Variants in ASAP1 observed in about 807,000 individuals in gnomAD.
ASAP1 encodes arf-GAP with SH3 domain, ANK repeat and PH domain-containing protein 1.
Under a neutral mutation model 145.2 loss-of-function variants are expected in ASAP1, and 43 were observed. That is an observed-to-expected ratio of 0.30 (90% CI 0.23 to 0.38). The LOEUF (loss-of-function observed/expected upper bound fraction) is 0.38, where lower values mean the gene tolerates loss of function less well. Ranked by LOEUF, ASAP1 falls within the 10% of genes least tolerant of loss-of-function variation. The probability of loss-of-function intolerance (pLI) is 1.00; values close to 1 mark genes in which losing one functional copy is unlikely to be tolerated. For missense variants in ASAP1, 1,018 were observed against 1,355.3 expected (o/e 0.75, Z 3.91); for synonymous variants, 546 against 515.5 (o/e 1.06, Z -0.80).
intron 15 of ASAP1, among the ~76,000 whole-genome samples, chr8:130,133,085 TG>T (rs2097585573): frequency 6.6e-6 from 1 of 151,746 alleles, no homozygotes; most frequent in African/African-American, 2.4e-5. Flanking sequence ...GTGCCACTGA[TG>T]GGACAGGAAG....
chr8:130,181,004 G>C (rs1814319346), intron 7 of ASAP1, 124 bp from the exon 8 acceptor site: 1 of 770,784 alleles, frequency 1.3e-6, no homozygotes, highest in Non-Finnish European at 1.9e-6. Flanking sequence ...TTCATCAGTT[G>C]TATCAATTGT....
At chr8:130,357,958 C>A in intron 3 of ASAP1, 59 bp downstream of exon 3, 1 of 1,543,672 alleles carries the variant, frequency 6.5e-7, no homozygotes, top group Non-Finnish European at 8.7e-7. Context: ...GAGAGGAGAT[C>A]CTCCAGCTGC....
chr8:130,231,273 T>C (rs1478498861), intron 4 of ASAP1, among the ~76,000 whole-genome samples: 1 of 152,140 alleles, frequency 6.6e-6, no homozygotes, highest in Non-Finnish European at 1.5e-5. Context: ...AATGAGAAAA[T>C]CAATGGCTGT....
intron 2 of ASAP1, among the ~76,000 whole-genome samples, chr8:130,371,839 T>C (rs903804003): frequency 6.6e-6 from 1 of 152,164 alleles, no homozygotes; most frequent in Admixed American, 6.5e-5. Flanking sequence ...ACAAACATAA[T>C]TGCTAATGTT....
At chr8:130,294,315 G>A (rs936098187) in intron 3 of ASAP1, among the ~76,000 whole-genome samples, 8 of 152,180 alleles carry the variant, frequency 5.3e-5, no homozygotes, top group Admixed American at 2.0e-4. Flanking sequence ...GTAATGCCAC[G>A]GAGCGTCAGA....
intron 22 of ASAP1, among the ~76,000 whole-genome samples, chr8:130,115,950 T>C (rs1196853005): frequency 6.6e-6 from 1 of 152,256 alleles, no homozygotes; most frequent in Non-Finnish European, 1.5e-5. Flanking sequence ...TTTATTTTGA[T>C]GACTTGTCTC....
At chr8:130,421,728 A>G (rs1370850074) in intron 1 of ASAP1, among the ~76,000 whole-genome samples, 1 of 152,242 alleles carries the variant, frequency 6.6e-6, no homozygotes, top group African/African-American at 2.4e-5. Context: ...TACATGAAGA[A>G]GGAAAAACAT....
chr8:130,214,744 T>C (rs1816792243), intron 4 of ASAP1, 43 bp from the exon 5 acceptor site: 2 of 1,499,164 alleles, frequency 1.3e-6, no homozygotes, highest in African/African-American at 2.8e-5. Context: ...AACTATTATT[T>C]GCCACAATGA....
At chr8:130,209,648 T>C (rs1204875916) in intron 5 of ASAP1, among the ~76,000 whole-genome samples, 1 of 152,220 alleles carries the variant, frequency 6.6e-6, no homozygotes, top group African/African-American at 2.4e-5. Context: ...AATGCATCTT[T>C]TCAATGTTCT....
At chr8:130,382,043 T>C (rs544835344) in intron 2 of ASAP1, among the ~76,000 whole-genome samples, 2 of 152,220 alleles carry the variant, frequency 1.3e-5, no homozygotes, top group South Asian at 2.1e-4. Context: ...TCCCAGCACT[T>C]TGGGAGGCCG....
chr8:130,167,911 C>T (rs188372844), intron 10 of ASAP1, among the ~76,000 whole-genome samples: 1 of 152,230 alleles, frequency 6.6e-6, no homozygotes, highest in East Asian at 1.9e-4. Flanking sequence ...AGATTATTTG[C>T]TTCTGGTTTT....
intron 8 of ASAP1, 47 bp downstream of exon 8, chr8:130,180,704 C>G (rs770198042): frequency 6.3e-7 from 1 of 1,584,010 alleles, no homozygotes; most frequent in East Asian, 2.2e-5. Context: ...AGGAAAAGAT[C>G]ACAGTTGTTA....
intron 3 of ASAP1, among the ~76,000 whole-genome samples, chr8:130,252,489 C>G (rs1819259847): frequency 6.6e-6 from 1 of 152,060 alleles, no homozygotes; most frequent in Non-Finnish European, 1.5e-5. Flanking sequence ...TTTCAAAGGA[C>G]CCAACAATAT....
At chr8:130,338,777 G>A (rs912843725) in intron 3 of ASAP1, among the ~76,000 whole-genome samples, 2 of 152,200 alleles carry the variant, frequency 1.3e-5, no homozygotes, top group South Asian at 2.1e-4. Context: ...TCCACACAGA[G>A]AGCCAGCAGA....
intron 5 of ASAP1, among the ~76,000 whole-genome samples, chr8:130,210,748 T>C (rs545117186): frequency 2.6e-5 from 4 of 152,332 alleles, no homozygotes; most frequent in Admixed American, 2.6e-4. Flanking sequence ...CAATCCCTAA[T>C]TGCACCATTT....
intron 5 of ASAP1, among the ~76,000 whole-genome samples, chr8:130,191,268 G>T (rs906836920): frequency 6.6e-6 from 1 of 152,168 alleles, no homozygotes; most frequent in Admixed American, 6.5e-5. Flanking sequence ...TGTCTTCAAG[G>T]AGACCCCAAG....
intron 3 of ASAP1, among the ~76,000 whole-genome samples, chr8:130,300,916 C>T (rs1822621465): frequency 6.6e-6 from 1 of 152,108 alleles, no homozygotes; most frequent in Non-Finnish European, 1.5e-5. Flanking sequence ...AGGGGGGCTC[C>T]CTGCACTTAA....
chr8:130,223,291 G>C (rs140722479), intron 4 of ASAP1, among the ~76,000 whole-genome samples: 1 of 152,260 alleles, frequency 6.6e-6, no homozygotes, highest in Admixed American at 6.5e-5. Flanking sequence ...AGAGACTTGG[G>C]TCTGAATCCC....
chr8:130,353,457 T>A (rs1826119409), intron 3 of ASAP1, among the ~76,000 whole-genome samples: 1 of 152,230 alleles, frequency 6.6e-6, no homozygotes, highest in Admixed American at 6.5e-5. Context: ...CCTTTTTTAA[T>A]CAGACCAAAA....
Sources: gnomAD v4.1 joint callset for allele counts (sites outside exome capture counted in the v4.1 genomes callset) on GRCh38, gnomAD v4.1.1 for gene constraint, MANE v1.5 for transcripts, NCBI Gene and HGNC (gene_info 2026-07-23, HGNC 2026-07-21) for gene names.